Variants in SHISAL1 observed in about 807,000 individuals in gnomAD.
The protein encoded by SHISAL1 is protein shisa-like-1.
SHISAL1 carries 9 observed loss-of-function variants against 22.6 expected under a neutral mutation model. The observed-to-expected ratio is 0.40, with a 90% CI of 0.24 to 0.70. The LOEUF is 0.70. Among genes scored for constraint, SHISAL1 ranks in the 30% least tolerant of loss-of-function variants. SHISAL1 has a pLI of 0.39. For missense variants in SHISAL1, 246 were observed against 270.6 expected (o/e 0.91, Z 0.64); for synonymous variants, 119 against 115.4 (o/e 1.03, Z -0.20).
upstream of SHISAL1, among the ~76,000 whole-genome samples, chr22:44,315,121 TAACA>T (rs777714871): frequency 2.0e-5 from 3 of 151,960 alleles, no homozygotes; most frequent in Non-Finnish European, 4.4e-5. Flanking sequence ...CTTATATTAT[TAACA>T]AACAAACAAG....
At chr22:44,286,952 T>C (rs1601794095) in intron 3 of SHISAL1, among the ~76,000 whole-genome samples, 2 of 152,108 alleles carry the variant, frequency 1.3e-5, no homozygotes, top group South Asian at 4.1e-4. Flanking sequence ...GAGGCGTGAA[T>C]GGAGCCAGTG....
intron 4 of SHISAL1, among the ~76,000 whole-genome samples, chr22:44,255,067 C>T (rs903728419): frequency 6.6e-5 from 10 of 152,150 alleles, no homozygotes; most frequent in Admixed American, 3.3e-4. Context: ...CTCCTCCCAC[C>T]GCTCCTGCTC....
At chr22:44,330,754 C>T in the SHISAL1 span, among the ~76,000 whole-genome samples, 22 of 152,278 alleles carry the variant, frequency 1.4e-4, no homozygotes, top group African/African-American at 5.3e-4. Flanking sequence ...CTTGGGGTCT[C>T]GTTGCCATGG....
At chr22:44,270,794 C>T (rs574113040) in intron 4 of SHISAL1, among the ~76,000 whole-genome samples, 7 of 152,300 alleles carry the variant, frequency 4.6e-5, no homozygotes, top group South Asian at 2.1e-4. Context: ...GCACCACTGA[C>T]GGCTGCTTCC....
At chr22:44,305,794 G>A (rs1213378003) in intron 1 of SHISAL1, among the ~76,000 whole-genome samples, 1 of 152,180 alleles carries the variant, frequency 6.6e-6, no homozygotes, top group Non-Finnish European at 1.5e-5. Context: ...CCTGAGATAG[G>A]TCACCGTGCG....
intron 4 of SHISAL1, among the ~76,000 whole-genome samples, chr22:44,271,527 A>G (rs1476712355): frequency 3.9e-5 from 6 of 152,240 alleles, no homozygotes; most frequent in Admixed American, 2.0e-4. Context: ...CAAAATGCCC[A>G]TGTTGGGAGA....
At chr22:44,290,367 T>TA (rs2055344305) in intron 3 of SHISAL1, among the ~76,000 whole-genome samples, 1 of 152,024 alleles carries the variant, frequency 6.6e-6, no homozygotes. Context: ...CCGTCTCTAC[T>TA]AAAAACACAA....
chr22:44,302,550 C>A (rs1361013692), intron 1 of SHISAL1, among the ~76,000 whole-genome samples: 1 of 152,200 alleles, frequency 6.6e-6, no homozygotes, highest in African/African-American at 2.4e-5. Flanking sequence ...TTTGAGCAGA[C>A]CTTTGAGTGA....
upstream of SHISAL1, among the ~76,000 whole-genome samples, chr22:44,315,178 A>AG (rs1478762162): frequency 6.6e-6 from 1 of 152,208 alleles, no homozygotes; most frequent in African/African-American, 2.4e-5. Flanking sequence ...GGCGAATACC[A>AG]GGAAGCAGGC....
the SHISAL1 span, among the ~76,000 whole-genome samples, chr22:44,324,144 C>T: frequency 2.6e-5 from 4 of 152,168 alleles, no homozygotes; most frequent in East Asian, 3.8e-4. Context: ...TTACAATCCC[C>T]GCCTCAAATC....
At chr22:44,272,656 CT>C (rs1307475206) in intron 4 of SHISAL1, among the ~76,000 whole-genome samples, 1 of 152,196 alleles carries the variant, frequency 6.6e-6, no homozygotes, top group Non-Finnish European at 1.5e-5. Context: ...GTCTTTCTGC[CT>C]CCTCATCTGC....
chr22:44,250,027 G>T (rs2055036378), intron 4 of SHISAL1, among the ~76,000 whole-genome samples: 1 of 152,186 alleles, frequency 6.6e-6, no homozygotes, highest in Non-Finnish European at 1.5e-5. Flanking sequence ...GGAGAGTGCA[G>T]ACATAGACGT....
chr22:44,244,583 TGGG>T lies in SHISAL1; in HGVS notation c.*5099_*5101del, dbSNP rs1321131854. 1 of 152,080 alleles carries T rather than the reference TGGG, an allele frequency of 6.6e-6. No homozygotes were observed. Among genetic ancestry groups the T allele is most frequent in the Non-Finnish European group, 1.5e-5 (1 of 68,032 alleles). 9.4% of individuals were successfully genotyped at this position (152,080 alleles called of 1,614,324 possible). ...TGGCTTGGACTAGAAACTGGGGTGG[TGGG>T]GGGCAATGACACCTCCAAGGTCACT... is the stretch of plus-strand genomic sequence containing the variant. On this transcript the variant is annotated 3_prime_UTR_variant, in exon 5 of 5. Transcript: ENST00000381176.
At chr22:44,288,105 C>T (rs1025326266) in intron 3 of SHISAL1, among the ~76,000 whole-genome samples, 12 of 152,206 alleles carry the variant, frequency 7.9e-5, no homozygotes, top group Non-Finnish European at 7.3e-5. Flanking sequence ...ACCTGCTTCC[C>T]ACGTTAGCCC....
At chr22:44,262,194 GCTTGTTGGGACGA>G (rs2055129643) in intron 4 of SHISAL1, among the ~76,000 whole-genome samples, 1 of 152,344 alleles carries the variant, frequency 6.6e-6, no homozygotes, top group East Asian at 1.9e-4. Flanking sequence ...CCTGGACAAG[GCTTGTTGGGACGA>G]CAGGGAGGGC....
chr22:44,267,304 C>T (rs2055170995), intron 4 of SHISAL1, among the ~76,000 whole-genome samples: 1 of 152,152 alleles, frequency 6.6e-6, no homozygotes, highest in Admixed American at 6.5e-5. Context: ...ACACTCCATG[C>T]TGCTGAGACC....
chr22:44,296,542 A>G, intron 3 of SHISAL1, 130 bp downstream of exon 3: 2 of 733,590 alleles, frequency 2.7e-6, no homozygotes, highest in South Asian at 1.7e-5. Context: ...AGACTCTCCC[A>G]GACTCCTTCC....
chr22:44,257,516 T>C (rs2055092777), intron 4 of SHISAL1, among the ~76,000 whole-genome samples: 1 of 152,252 alleles, frequency 6.6e-6, no homozygotes, highest in African/African-American at 2.4e-5. Context: ...GTCTTGAATT[T>C]CCACCTTCCT....
intron 4 of SHISAL1, among the ~76,000 whole-genome samples, chr22:44,260,478 G>T (rs761892482): frequency 6.6e-6 from 1 of 152,230 alleles, no homozygotes; most frequent in Non-Finnish European, 1.5e-5. Context: ...GCTGGTAAAG[G>T]TTGGGACAGA....
Sources: gnomAD v4.1 joint callset for allele counts (sites outside exome capture counted in the v4.1 genomes callset) on GRCh38, gnomAD v4.1.1 for gene constraint, MANE v1.5 for transcripts, NCBI Gene and HGNC (gene_info 2026-07-23, HGNC 2026-07-21) for gene names.